Variants in MTMR7 observed in about 807,000 individuals in gnomAD.
The protein encoded by MTMR7 is myotubularin related protein 7.
MTMR7 carries 76 observed loss-of-function variants against 81.2 expected under a neutral mutation model. The observed-to-expected ratio is 0.94, with a 90% CI of 0.78 to 1.13. The LOEUF (loss-of-function observed/expected upper bound fraction) is 1.13, where lower values mean the gene tolerates loss of function less well. Ranked by LOEUF, MTMR7 falls within the 50% of genes most tolerant of loss-of-function variation. MTMR7 has a pLI of 0.00. For missense variants in MTMR7, 1,044 were observed against 820.0 expected (o/e 1.27, Z -3.34); for synonymous variants, 372 against 289.8 (o/e 1.28, Z -2.88).
chr8:17,400,752 G>T (rs891072147), intron 1 of MTMR7, among the ~76,000 whole-genome samples: 2 of 148,538 alleles, frequency 1.3e-5, no homozygotes, highest in Non-Finnish European at 2.9e-5. Flanking sequence ...TTACTCAAAA[G>T]ACAAGGCTGA....
intron 6 of MTMR7, among the ~76,000 whole-genome samples, chr8:17,339,691 T>A (rs1385038345): frequency 3.3e-5 from 5 of 152,390 alleles, no homozygotes; most frequent in African/African-American, 9.6e-5. Context: ...AGGCTATTAC[T>A]AATAATGAAC....
intron 1 of MTMR7, among the ~76,000 whole-genome samples, chr8:17,387,137 T>C (rs1326213583): frequency 2.0e-5 from 3 of 152,248 alleles, no homozygotes; most frequent in African/African-American, 4.8e-5. Flanking sequence ...TCACTGATCA[T>C]TCTTCCCAGG....
chr8:17,306,008 ACAAAGCCATAAATG>A, intron 10 of MTMR7, 51 bp from the exon 11 acceptor site: 1 of 1,470,278 alleles, frequency 6.8e-7, no homozygotes, highest in Non-Finnish European at 9.3e-7. Context: ...TTTTTAAAGT[ACAAAGCCATAAATG>A]CAAAAACAAC....
At chr8:17,303,869 A>G (rs1302914214) in intron 12 of MTMR7, among the ~76,000 whole-genome samples, 1 of 152,178 alleles carries the variant, frequency 6.6e-6, no homozygotes, top group Non-Finnish European at 1.5e-5. Context: ...CTCGGCTAAT[A>G]CATACAATCT....
rs539517781 is a variant in MTMR7 at position 17,319,391 on chromosome 8, G to A, written c.866-5990C>T. 2.2e-4 allele frequency among the ~76,000 whole-genome samples: 34 copies of A among 152,264 alleles called. No homozygotes were observed. The South Asian group carries it at 3.3e-3, about 15-fold the overall frequency. Reference sequence around the variant, plus strand: ...CTGTGCCTCCAGCAGGGGTGTCCTGGGAGGAAGGAGCTGTTAGACTCACTC... The same window carrying A: ...CTGTGCCTCCAGCAGGGGTGTCCTGAGAGGAAGGAGCTGTTAGACTCACTC... On this transcript the variant is annotated intron_variant, in intron 7 of 13. Coordinates refer to ENST00000180173, the MANE Select transcript of MTMR7 (RefSeq NM_004686.5).
At chr8:17,309,397 G>A (rs1030656133) in intron 9 of MTMR7, 71 bp from the exon 10 acceptor site, 16 of 1,070,530 alleles carry the variant, frequency 1.5e-5, no homozygotes, top group Non-Finnish European at 2.3e-5. Flanking sequence ...AACCAATAAT[G>A]TTGAGGAATT....
intron 1 of MTMR7, among the ~76,000 whole-genome samples, chr8:17,409,549 T>C (rs1821684516): frequency 6.6e-6 from 1 of 152,332 alleles, no homozygotes; most frequent in Non-Finnish European, 1.5e-5. Flanking sequence ...GCATGCTTAG[T>C]TGGTCCCAAG....
chr8:17,390,164 G>A (rs1256673589), intron 1 of MTMR7, among the ~76,000 whole-genome samples: 2 of 152,108 alleles, frequency 1.3e-5, no homozygotes, highest in East Asian at 3.9e-4. Flanking sequence ...ATAAAGAGAA[G>A]AGGTTTAATC....
chr8:17,356,275 G>A (rs909613738), intron 4 of MTMR7, among the ~76,000 whole-genome samples: 1 of 152,052 alleles, frequency 6.6e-6, no homozygotes, highest in Non-Finnish European at 1.5e-5. Flanking sequence ...TAATCATACG[G>A]ATAGAGCAAA....
chr8:17,387,641 C>T lies in MTMR7; in HGVS notation c.25-14401G>A, dbSNP rs529811155. Among the ~76,000 whole-genome samples, 119 of 152,304 alleles carry T rather than the reference C, an allele frequency of 7.8e-4. 1 individual carries two copies. Among genetic ancestry groups the T allele is most frequent in the African/African-American group, 2.7e-3 (113 of 41,546 alleles). ...AATTTGACAGAAAATTTAAGTCCTT[C>T]CTCCACATGGGAGGTACTTGGGGTA... On this transcript the variant is annotated intron_variant, in intron 1 of 13. Transcript: ENST00000180173.
At chr8:17,336,101 C>A (rs1296995499) in intron 6 of MTMR7, among the ~76,000 whole-genome samples, 1 of 152,158 alleles carries the variant, frequency 6.6e-6, no homozygotes, top group Non-Finnish European at 1.5e-5. Flanking sequence ...GGCATAGCGT[C>A]CAAGTGCTCA....
rs768983031 is a variant in MTMR7, at chr8:17,298,050, GTTTA to G, written c.*1808_*1811del. On this transcript the variant is annotated 3_prime_UTR_variant, in exon 14 of 14. Coordinates refer to ENST00000180173, the MANE Select transcript of MTMR7 (RefSeq NM_004686.5). The stretch of plus-strand genomic sequence containing the variant: ...GATACTTTGTCATTTTTTAAAAAAT[GTTTA>G]TTGTTTTTATAGACATACACTGTCA... 1.9e-4 allele frequency: 29 copies of G among 152,082 alleles called. No homozygotes were observed. The highest frequency in any genetic ancestry group is 2.8e-4 in the Non-Finnish European group (19 of 67,866). 9.4% of individuals were successfully genotyped at this position (152,082 alleles called of 1,614,324 possible).
chr8:17,392,793 G>GA (rs1821145168), intron 1 of MTMR7, among the ~76,000 whole-genome samples: 1 of 152,234 alleles, frequency 6.6e-6, no homozygotes. Context: ...GCAGGGAGGT[G>GA]AATGAGTAGG....
In MTMR7 at chr8:17,308,072, G is replaced by C. The variant is rs544735693; in HGVS notation, c.1151+1205C>G. Among the ~76,000 whole-genome samples, 464 of 149,480 alleles carry C rather than the reference G, an allele frequency of 3.1e-3. 5 individuals are homozygous for C. The highest frequency in any genetic ancestry group is 0.011 in the African/African-American group (445 of 40,378). The stretch of plus-strand genomic sequence containing the variant: ...TAAAAAATAAAAATAAAATGAGGAA[G>C]AAAAAAATAATTGCATTATGGGAGA... On this transcript the variant is annotated intron_variant, in intron 10 of 13. Transcript: ENST00000180173.
In MTMR7 at chr8:17,299,722, T is replaced by G; in HGVS notation, c.*140A>C. On this transcript the variant is annotated 3_prime_UTR_variant, in exon 14 of 14. Coordinates refer to ENST00000180173, the MANE Select transcript of MTMR7 (RefSeq NM_004686.5). Reference sequence around the variant, plus strand: ...ATCTAAGAAATCAAGAACTGGGCACTTTTTTCCCTTTTCATAGCTGCATTA... The same window carrying G: ...ATCTAAGAAATCAAGAACTGGGCACGTTTTTCCCTTTTCATAGCTGCATTA... 1 of 1,227,318 alleles carries G rather than the reference T, an allele frequency of 8.1e-7. No individual in the cohort carries two copies. Among genetic ancestry groups the G allele is most frequent in the South Asian group, 1.6e-5 (1 of 63,774 alleles). The allele number at this position is 1,227,318 out of a possible 1,614,324, so 76.0% of individuals were successfully genotyped here. A position where few individuals can be genotyped will look rare whatever the true frequency, so the allele number is the denominator to read the frequency against.
intron 7 of MTMR7, among the ~76,000 whole-genome samples, chr8:17,320,111 C>T (rs941185476): frequency 5.3e-5 from 8 of 151,850 alleles, no homozygotes; most frequent in Admixed American, 1.3e-4. Flanking sequence ...AAATAAAATA[C>T]ATTATGAAAA....
At chr8:17,312,307 G>A (rs530090069) in intron 8 of MTMR7, among the ~76,000 whole-genome samples, 66 of 152,258 alleles carry the variant, frequency 4.3e-4, no homozygotes, top group African/African-American at 1.5e-3. Flanking sequence ...GGAGGCAGTG[G>A]CTCACGCATG....
intron 6 of MTMR7, among the ~76,000 whole-genome samples, chr8:17,332,324 TCTCC>T (rs1819045968): frequency 6.6e-6 from 1 of 152,024 alleles, no homozygotes; most frequent in Non-Finnish European, 1.5e-5. Flanking sequence ...TTGACACAGA[TCTCC>T]TAAAAGTCTG....
At chr8:17,393,727 G>T (rs544504899) in intron 1 of MTMR7, among the ~76,000 whole-genome samples, 3 of 152,090 alleles carry the variant, frequency 2.0e-5, no homozygotes, top group Non-Finnish European at 4.4e-5. Flanking sequence ...GAGAACATCA[G>T]AAATAAAAGC....
Sources: gnomAD v4.1 joint callset for allele counts (sites outside exome capture counted in the v4.1 genomes callset) on GRCh38, gnomAD v4.1.1 for gene constraint, MANE v1.5 for transcripts, NCBI Gene and HGNC (gene_info 2026-07-23, HGNC 2026-07-21) for gene names.